CUL3: variants seen among roughly 807,000 people sequenced by gnomAD.
CUL3 encodes the protein cullin 3, also known as cullin-3.
Under a neutral mutation model 89.1 loss-of-function variants are expected in CUL3, and 19 were observed. The ratio of observed to expected loss-of-function variants is 0.21; its 90% CI spans 0.15 to 0.31. CUL3 has a LOEUF of 0.31. Ranked by LOEUF, CUL3 falls within the 10% of genes least tolerant of loss-of-function variation. The pLI is 1.00. For missense variants in CUL3, 469 were observed against 942.3 expected, an observed-to-expected ratio of 0.50 and a Z score of 6.58; for synonymous variants, 351 against 308.4, an observed-to-expected ratio of 1.14 and a Z score of -1.45.
At chr2:224,546,727 T>C (rs1197296078) in intron 2 of CUL3, among the ~76,000 whole-genome samples, 3 of 152,052 alleles carry the variant, frequency 2.0e-5, no homozygotes, top group Non-Finnish European at 4.4e-5. Flanking sequence ...GAATAGCTGA[T>C]ACTTAACATG....
intron 2 of CUL3, among the ~76,000 whole-genome samples, chr2:224,537,055 T>C (rs1693925924): frequency 6.6e-6 from 1 of 152,220 alleles, no homozygotes; most frequent in South Asian, 2.1e-4. Context: ...GTTATGCTTT[T>C]TCAGATTGGG....
chr2:224,569,947 C>T (rs1456789796), intron 1 of CUL3: 1 of 156,782 alleles, frequency 6.4e-6, no homozygotes, highest in Non-Finnish European at 1.1e-5. Flanking sequence ...TAATTTCAAG[C>T]TCCAGTCTCA....
Position 224,514,728 on chromosome 2 carries a change from A to G in CUL3, c.423T>C (p.Asn141=), listed in dbSNP as rs749177128. The part of the protein sequence containing the change: ...VQQNNVENVY[N]LGLIIFRDQV... ...GATCTCGAAAAATAATTAATCCCAA[A>G]TTGTAGACGTTCTCCACATTATTTT... Residue 141 remains asparagine (N), a synonymous_variant, in exon 4 of 16, where the codon AAT becomes AAC. Coordinates refer to ENST00000264414, the MANE Select transcript of CUL3 (RefSeq NM_003590.5). 3.7e-6 allele frequency: 6 copies of G among 1,613,114 alleles called. No individual in the cohort carries two copies. In the Admixed American group the frequency reaches 8.3e-5, roughly 22 times the overall value.
chr2:224,546,208 G>A (rs1336222527), intron 2 of CUL3, among the ~76,000 whole-genome samples: 1 of 152,068 alleles, frequency 6.6e-6, no homozygotes, highest in Non-Finnish European at 1.5e-5. Context: ...TTAGTAACAG[G>A]CACACTGACA....
intron 3 of CUL3, among the ~76,000 whole-genome samples, chr2:224,525,541 CA>C (rs1693441020): frequency 6.6e-6 from 1 of 152,056 alleles, no homozygotes; most frequent in South Asian, 2.1e-4. Context: ...CATTTACCTT[CA>C]AAGAAACACA....
At chr2:224,584,395 T>C (rs184958505) in intron 1 of CUL3, among the ~76,000 whole-genome samples, 30 of 152,230 alleles carry the variant, frequency 2.0e-4, no homozygotes, top group African/African-American at 7.0e-4. Context: ...GTTACTAGTT[T>C]ATGACCACGG....
chr2:224,546,586 C>G (rs770235494), intron 2 of CUL3, among the ~76,000 whole-genome samples: 1 of 150,560 alleles, frequency 6.6e-6, no homozygotes, highest in African/African-American at 2.4e-5. Flanking sequence ...AGAGGAGACA[C>G]AAAGATAAAT....
intron 3 of CUL3, among the ~76,000 whole-genome samples, chr2:224,530,783 T>A (rs1466266124): frequency 6.6e-6 from 1 of 152,122 alleles, no homozygotes; most frequent in Non-Finnish European, 1.5e-5. Flanking sequence ...GGCATGCACC[T>A]GTAGTCCTAA....
chr2:224,575,127 A>G (rs16866061), intron 1 of CUL3, among the ~76,000 whole-genome samples: 45,381 of 152,124 alleles, frequency 0.3, 6,968 homozygotes, highest in Middle Eastern at 0.41. Context: ...ATGCTGAATG[A>G]ACTTCGAACT....
Position 224,470,178 on chromosome 2 carries a change from A to C in CUL3, c.*4067T>G, listed in dbSNP as rs1691071386. 1 of 196,834 alleles carries C rather than the reference A, an allele frequency of 5.1e-6. No individual in the cohort carries two copies. The highest frequency in any genetic ancestry group is 2.3e-5 in the African/African-American group (1 of 43,306). 12.2% of individuals were successfully genotyped at this position (196,834 alleles called of 1,614,324 possible). A position where few individuals can be genotyped will look rare whatever the true frequency, so the allele number is the denominator to read the frequency against. ...TGAGACTGAGAATTTTAATTTTCCC[A>C]CATTGCAATAAATCTTGTATGCAAT... is the stretch of plus-strand genomic sequence containing the variant. On this transcript the variant is annotated 3_prime_UTR_variant, in exon 16 of 16. Coordinates refer to ENST00000264414, the MANE Select transcript of CUL3 (RefSeq NM_003590.5).
intron 1 of CUL3, among the ~76,000 whole-genome samples, chr2:224,562,494 C>A (rs775384120): frequency 6.6e-6 from 1 of 151,784 alleles, no homozygotes; most frequent in Non-Finnish European, 1.5e-5. Flanking sequence ...AAAAAATAGC[C>A]GGATGTGGTG....
intron 8 of CUL3, 128 bp from the exon 9 acceptor site, chr2:224,503,950 A>T (rs958853178): frequency 4.4e-6 from 3 of 676,940 alleles, no homozygotes; most frequent in Non-Finnish European, 7.0e-6. Context: ...CATCAAAAAA[A>T]GGGATACGGT....
chr2:224,496,263 T>C lies in CUL3; in HGVS notation c.1708-297A>G, dbSNP rs34485497. 0.18 allele frequency among the ~76,000 whole-genome samples: 27,974 copies of C among 152,036 alleles called. 2,879 individuals are homozygous for C. Among genetic ancestry groups the C allele is most frequent in the South Asian group, 0.27 (1,296 of 4,808 alleles). ...CCATGCTGGTCTCAAACTAATGGGCTCCAGTGATTTGCCCGCATAGGCTCA... is the reference window on the plus strand; with the variant it reads ...CCATGCTGGTCTCAAACTAATGGGCCCCAGTGATTTGCCCGCATAGGCTCA... On this transcript the variant is annotated intron_variant, in intron 12 of 15. Coordinates refer to ENST00000264414, the MANE Select transcript of CUL3 (RefSeq NM_003590.5).
In CUL3 at chr2:224,511,335, T is replaced by C. The variant is rs1240529225; in HGVS notation, c.883+19A>G. The C allele has an allele frequency of 6.6e-7, 1 of 1,514,714 alleles. No individual in the cohort carries two copies. Among genetic ancestry groups the C allele is most frequent in the Non-Finnish European group, 9.0e-7 (1 of 1,109,994 alleles). The allele number at this position is 1,514,714 out of a possible 1,614,324, so 93.8% of individuals were successfully genotyped here. ...AGGCAGAGTAAGGATTTAATTATTT[T>C]TCAATCGGTAACACTTACCTTCTGT... On this transcript the variant is annotated intron_variant, in intron 6 of 15. Coordinates refer to ENST00000264414, the MANE Select transcript of CUL3 (RefSeq NM_003590.5).
chr2:224,474,203 G>C lies in CUL3; in HGVS notation c.*42C>G. On this transcript the variant is annotated 3_prime_UTR_variant, in exon 16 of 16. Transcript: ENST00000264414. ...TTTAAAAGAACTTCCCAGTCCATGC[G>C]AAGAGTACAGTCCAAGAATAAATCA... 1 of 1,581,026 alleles carries C rather than the reference G, an allele frequency of 6.3e-7. No individual in the cohort carries two copies. The highest frequency in any genetic ancestry group is 1.2e-5 in the South Asian group (1 of 86,110).
chr2:224,557,949 T>C, intron 1 of CUL3, 93 bp from the exon 2 acceptor site: 2 of 665,696 alleles, frequency 3.0e-6, no homozygotes, highest in Non-Finnish European at 2.5e-6. Flanking sequence ...ATATAGTAAA[T>C]ATTGTATTAT....
chr2:224,501,072 TCACTGAGAACTGAAA>T (rs1396078491), intron 10 of CUL3, among the ~76,000 whole-genome samples: 11 of 152,242 alleles, frequency 7.2e-5, no homozygotes, highest in Non-Finnish European at 1.6e-4. Flanking sequence ...CTTACTGTTA[TCACTGAGAACTGAAA>T]AGTTTGGGCC....
chr2:224,503,610 C>A (rs531534464), intron 9 of CUL3, 42 bp downstream of exon 9: 5 of 1,466,434 alleles, frequency 3.4e-6, no homozygotes, highest in East Asian at 2.3e-5. Flanking sequence ...TCATAATAAA[C>A]CTCAGTTAGG....
chr2:224,535,689 C>G (rs1385050287), intron 2 of CUL3, 48 bp from the exon 3 acceptor site: 1 of 1,087,998 alleles, frequency 9.2e-7, no homozygotes, highest in Non-Finnish European at 1.4e-6. Flanking sequence ...TCCACACACT[C>G]GTATATACAG....
Sources: allele counts gnomAD v4.1 joint callset (sites outside exome capture counted in the v4.1 genomes callset), GRCh38; gene constraint gnomAD v4.1.1; transcripts MANE v1.5; gene names NCBI Gene and HGNC (gene_info 2026-07-23, HGNC 2026-07-21).